The following CADM2 variants were observed in gnomAD, a reference collection of about 807,000 sequenced individuals.
CADM2 encodes cell adhesion molecule 2.
In CADM2, 12 loss-of-function variants were observed where a neutral mutation model predicts 49.8. That is an observed-to-expected ratio of 0.24 (90% confidence interval 0.15 to 0.39). The LOEUF (loss-of-function observed/expected upper bound fraction) is 0.39, where lower values mean the gene tolerates loss of function less well. CADM2 is among the 10% of genes least tolerant of loss of function. The pLI is 1.00. For missense variants in CADM2, 378 were observed against 492.3 expected (o/e 0.77, Z 2.20); for synonymous variants, 214 against 175.4 (o/e 1.22, Z -1.74).
At chr3:85,582,888 G>A (rs1005210528) in intron 1 of CADM2, among the ~76,000 whole-genome samples, 2 of 152,056 alleles carry the variant, frequency 1.3e-5, no homozygotes, top group African/African-American at 2.4e-5. Context: ...TGTTGGTGAC[G>A]GTTGGCAAGT....
At chr3:85,968,886 A>G (rs1559773014) in intron 8 of CADM2, among the ~76,000 whole-genome samples, 1 of 151,678 alleles carries the variant, frequency 6.6e-6, no homozygotes, top group African/African-American at 2.4e-5. Flanking sequence ...TTTACATAAA[A>G]CCTGCTTTGT....
intron 1 of CADM2, among the ~76,000 whole-genome samples, chr3:85,478,987 C>A (rs912858252): frequency 1.3e-5 from 2 of 151,546 alleles, no homozygotes; most frequent in African/African-American, 4.8e-5. Flanking sequence ...CTCTACAAAC[C>A]AGGCTGAGCA....
chr3:85,269,824 A>T (rs2043198608), intron 1 of CADM2, among the ~76,000 whole-genome samples: 1 of 151,348 alleles, frequency 6.6e-6, no homozygotes, highest in Admixed American at 6.6e-5. Context: ...TTCTTTTTGA[A>T]ACCTTTTCAG....
At chr3:85,278,860 T>C (rs2043425567) in intron 1 of CADM2, among the ~76,000 whole-genome samples, 1 of 151,422 alleles carries the variant, frequency 6.6e-6, no homozygotes, top group Admixed American at 6.6e-5. Context: ...GGAATGTTTC[T>C]GACTTAATTT....
intron 1 of CADM2, among the ~76,000 whole-genome samples, chr3:85,122,362 C>G (rs6770568): frequency 0.071 from 10,852 of 152,062 alleles, 1,279 homozygotes; most frequent in African/African-American, 0.24. Flanking sequence ...GTTACTGGAC[C>G]TTTTTACTGT....
At chr3:85,596,978 A>C (rs1041017233) in intron 1 of CADM2, among the ~76,000 whole-genome samples, 1 of 152,220 alleles carries the variant, frequency 6.6e-6, no homozygotes, top group African/African-American at 2.4e-5. Context: ...TGGCCTCCCA[A>C]AATGCTGGGA....
intron 8 of CADM2, among the ~76,000 whole-genome samples, chr3:86,010,142 T>G (rs1731320204): frequency 6.6e-6 from 1 of 151,978 alleles, no homozygotes; most frequent in African/African-American, 2.4e-5. Context: ...GATAGTTATT[T>G]GAAACCACAT....
rs141702600 is a variant in CADM2, at chr3:85,708,069, G to A, written c.62-18453G>A. 1.2e-4 allele frequency among the ~76,000 whole-genome samples: 18 copies of A among 152,220 alleles called. No individual in the cohort carries two copies. The East Asian group carries it at 2.9e-3, about 25-fold the overall frequency. ...TAGAATTTCAGAGAATTGACTAAGC[G>A]TAGGAACGGAATTTGGATGGTGATA... On this transcript the variant is annotated intron_variant, in intron 1 of 9. Coordinates refer to ENST00000383699, the MANE Select transcript of CADM2 (RefSeq NM_001167675.2).
intron 8 of CADM2, among the ~76,000 whole-genome samples, chr3:86,006,086 A>G (rs561843912): frequency 6.6e-6 from 1 of 152,184 alleles, no homozygotes; most frequent in African/African-American, 2.4e-5. Context: ...TCCATTGTGT[A>G]TATGTACCAC....
At chr3:85,199,034 A>C (rs1288277897) in intron 1 of CADM2, among the ~76,000 whole-genome samples, 1 of 151,864 alleles carries the variant, frequency 6.6e-6, no homozygotes, top group Non-Finnish European at 1.5e-5. Context: ...CTATTTATAA[A>C]TTTAACTTCT....
At chr3:86,028,286 T>G (rs1273067303) in intron 8 of CADM2, among the ~76,000 whole-genome samples, 1 of 151,676 alleles carries the variant, frequency 6.6e-6, no homozygotes, top group Non-Finnish European at 1.5e-5. Context: ...GCAATTCCTA[T>G]TGCAAAGGTA....
At chr3:85,043,171 G>A (rs1355685894) in intron 1 of CADM2, among the ~76,000 whole-genome samples, 2 of 151,962 alleles carry the variant, frequency 1.3e-5, no homozygotes, top group East Asian at 1.9e-4. Flanking sequence ...CAAGTCTTTA[G>A]TGATAAGAAT....
At chr3:85,551,483 T>C (rs2061801311) in intron 1 of CADM2, among the ~76,000 whole-genome samples, 1 of 152,156 alleles carries the variant, frequency 6.6e-6, no homozygotes, top group African/African-American at 2.4e-5. Context: ...GATCATATGG[T>C]GATTCACTGA....
At chr3:85,694,502 C>T (rs1316225937) in intron 1 of CADM2, among the ~76,000 whole-genome samples, 1 of 152,138 alleles carries the variant, frequency 6.6e-6, no homozygotes, top group Non-Finnish European at 1.5e-5. Flanking sequence ...TAAATGTTTG[C>T]TTTTTAACCC....
At chr3:85,476,536 T>C (rs757972063) in intron 1 of CADM2, among the ~76,000 whole-genome samples, 3 of 151,878 alleles carry the variant, frequency 2.0e-5, no homozygotes, top group Non-Finnish European at 4.4e-5. Flanking sequence ...TTCACTCTTT[T>C]ATGAGTTTTT....
chr3:85,898,035 G>C (rs1577599912), intron 5 of CADM2, among the ~76,000 whole-genome samples: 1 of 151,478 alleles, frequency 6.6e-6, no homozygotes, highest in Non-Finnish European at 1.5e-5. Context: ...TATTAAGTGA[G>C]AAAAAAAAAT....
At chr3:85,212,843 T>C (rs954117425) in intron 1 of CADM2, among the ~76,000 whole-genome samples, 6 of 116,860 alleles carry the variant, frequency 5.1e-5, no homozygotes, top group African/African-American at 1.6e-4. Context: ...TCTTTCTTTC[T>C]TTCTTTCTTT....
intron 1 of CADM2, among the ~76,000 whole-genome samples, chr3:85,635,063 AT>A (rs1342778925): frequency 6.6e-6 from 1 of 152,132 alleles, no homozygotes; most frequent in Non-Finnish European, 1.5e-5. Context: ...CTCGTCACAT[AT>A]TAAAGGCTTA....
At chr3:85,828,430 A>G (rs943000554) in intron 3 of CADM2, among the ~76,000 whole-genome samples, 10 of 151,960 alleles carry the variant, frequency 6.6e-5, no homozygotes, top group Admixed American at 5.9e-4. Context: ...AAAGAGAAAA[A>G]AGACTTCTAG....
Sources: gnomAD v4.1 joint callset for allele counts (sites outside exome capture counted in the v4.1 genomes callset) on GRCh38, gnomAD v4.1.1 for gene constraint, MANE v1.5 for transcripts, NCBI Gene and HGNC (gene_info 2026-07-23, HGNC 2026-07-21) for gene names.